Variants in VPS52 observed in about 807,000 individuals in gnomAD.
VPS52 encodes the protein vacuolar protein sorting-associated protein 52 homolog.
In VPS52, 56 loss-of-function variants were observed where a neutral mutation model predicts 98.7. The ratio of observed to expected loss-of-function variants is 0.57; its 90% CI spans 0.46 to 0.71. The LOEUF is 0.71. Among genes scored for constraint, VPS52 ranks in the 30% least tolerant of loss-of-function variants. The pLI, the probability that VPS52 is intolerant of heterozygous loss-of-function variation, is 0.00. For synonymous variants in VPS52, 348 were observed against 346.4 expected, an observed-to-expected ratio of 1.00 and a Z score of -0.05; for missense variants, 742 against 925.9, an observed-to-expected ratio of 0.80 and a Z score of 2.58.
Position 33,267,576 on chromosome 6 carries a change from G to A in VPS52, c.991+106C>T. The A allele has an allele frequency of 1.5e-6, 2 of 1,372,202 alleles. No individual in the cohort carries two copies. The highest frequency in any genetic ancestry group is 2.0e-6 in the Non-Finnish European group (2 of 989,226). The allele number at this position is 1,372,202 out of a possible 1,614,324, so 85.0% of individuals were successfully genotyped here. A position where few individuals can be genotyped will look rare whatever the true frequency, so the allele number is the denominator to read the frequency against. On this transcript the variant is annotated intron_variant, in intron 10 of 19. Coordinates refer to ENST00000445902, the MANE Select transcript of VPS52 (RefSeq NM_022553.6). This position sits in a 1 kb window ranked among gnomAD's most constrained non-coding sequence, Gnocchi z 4.2. ...CTATAGCTTTCATCACATTCTAAAAGGTTTCAGTCCCATAGGAAAAGGTAA... is the reference window on the plus strand; with the variant it reads ...CTATAGCTTTCATCACATTCTAAAAAGTTTCAGTCCCATAGGAAAAGGTAA...
intron 17 of VPS52, among the ~76,000 whole-genome samples, chr6:33,256,406 A>T (rs1762960522): frequency 7.0e-6 from 1 of 143,794 alleles, no homozygotes; most frequent in African/African-American, 2.6e-5. Flanking sequence ...TCAAGGCTGC[A>T]GTGAGCTATG....
At position 33,267,086 on chromosome 6, in the gene VPS52, A is replaced by C; in HGVS notation, c.1125+102T>G. On this transcript the variant is annotated intron_variant, in intron 11 of 19. Coordinates refer to ENST00000445902, the MANE Select transcript of VPS52 (RefSeq NM_022553.6). This position sits in a 1 kb window ranked among gnomAD's most constrained non-coding sequence, Gnocchi z 4.2. ...GCCACTCCCAAGTCTAAGGGGATTAAGACAGGGCCTGCAGGTTGGGAAGCT... is the reference window on the plus strand; with the variant it reads ...GCCACTCCCAAGTCTAAGGGGATTACGACAGGGCCTGCAGGTTGGGAAGCT... 1 of 1,414,200 alleles carries C rather than the reference A, an allele frequency of 7.1e-7. No individual in the cohort carries two copies. Among genetic ancestry groups the C allele is most frequent in the Non-Finnish European group, 9.3e-7 (1 of 1,074,902 alleles). The allele number at this position is 1,414,200 out of a possible 1,614,324, so 87.6% of individuals were successfully genotyped here. A position where few individuals can be genotyped will look rare whatever the true frequency, so the allele number is the denominator to read the frequency against.
intron 18 of VPS52, 84 bp downstream of exon 18, chr6:33,251,776 C>T (rs1250063709): frequency 1.3e-5 from 19 of 1,471,154 alleles, no homozygotes; most frequent in Non-Finnish European, 1.7e-5. Context: ...TACTCTATTC[C>T]CCCACCATGT....
intron 17 of VPS52, among the ~76,000 whole-genome samples, chr6:33,262,770 C>T (rs1182284565): frequency 6.6e-6 from 1 of 152,130 alleles, no homozygotes; most frequent in Non-Finnish European, 1.5e-5. Flanking sequence ...AAGCCAGGCA[C>T]AGAAAGACAA....
chr6:33,255,065 T>C (rs1193921356), intron 17 of VPS52: 1 of 152,246 alleles, frequency 6.6e-6, no homozygotes. Context: ...TACTTTTTAA[T>C]GTAGCTTCTA....
Position 33,250,865 on chromosome 6 carries a change from G to C in VPS52, c.2148C>G (p.Leu716=). The change falls in exon 20 of 20, where the codon CTC becomes CTG. Residue 716 remains leucine, a synonymous_variant. Coordinates refer to ENST00000445902, the MANE Select transcript of VPS52 (RefSeq NM_022553.6). ...ATCAGAAGTTGGGCTTATGCTTCTTGAGCTCCACCATAAGGTGGTGAATGT... is the reference window on the plus strand; with the variant it reads ...ATCAGAAGTTGGGCTTATGCTTCTTCAGCTCCACCATAAGGTGGTGAATGT... ...LINIHHLMVE[L]KKHKPNF 1 of 1,612,700 alleles carries C rather than the reference G, an allele frequency of 6.2e-7. No homozygotes were observed. The highest frequency in any genetic ancestry group is 8.5e-7 in the Non-Finnish European group (1 of 1,179,792).
intron 17 of VPS52, among the ~76,000 whole-genome samples, chr6:33,258,119 G>T (rs940060707): frequency 2.0e-5 from 3 of 151,520 alleles, no homozygotes; most frequent in Admixed American, 2.0e-4. Flanking sequence ...TGGACGCGGT[G>T]GCTCATGCCT....
Position 33,267,142 on chromosome 6 carries a change from C to T in VPS52, c.1125+46G>A, listed in dbSNP as rs761371905. On this transcript the variant is annotated intron_variant, in intron 11 of 19. Coordinates refer to ENST00000445902, the MANE Select transcript of VPS52 (RefSeq NM_022553.6). The surrounding 1 kb of genome is among the most constrained non-coding windows in gnomAD (Gnocchi z 4.2). ...CTGAGGTCTGGCCTTCCCTCCCCAC[C>T]GTGCTCAGAGCCTCTTTCGTGACTG... is the stretch of plus-strand genomic sequence containing the variant. 13 of 1,454,488 alleles carry T rather than the reference C, an allele frequency of 8.9e-6. No homozygotes were observed. Among genetic ancestry groups the T allele is most frequent in the South Asian group, 1.7e-5 (1 of 60,466 alleles). 90.1% of individuals were successfully genotyped at this position (1,454,488 alleles called of 1,614,324 possible). A position where few individuals can be genotyped will look rare whatever the true frequency, so the allele number is the denominator to read the frequency against.
rs1206905815 is a variant in VPS52, at chr6:33,267,169, A to G, written c.1125+19T>C. 1.0e-5 allele frequency: 15 copies of G among 1,472,142 alleles called. No individual in the cohort carries two copies. The highest frequency in any genetic ancestry group is 1.3e-5 in the Non-Finnish European group (14 of 1,109,878). 91.2% of individuals were successfully genotyped at this position (1,472,142 alleles called of 1,614,324 possible). ...TGCTCAGAGCCTCTTTCGTGACTGA[A>G]GCTTGTTCCTCCTCATACCCTCTGC... On this transcript the variant is annotated intron_variant, in intron 11 of 19. Transcript: ENST00000445902. The surrounding 1 kb of genome is among the most constrained non-coding windows in gnomAD (Gnocchi z 4.2).
intron 17 of VPS52, among the ~76,000 whole-genome samples, chr6:33,253,246 T>C (rs930835221): frequency 1.3e-5 from 2 of 152,150 alleles, no homozygotes; most frequent in Non-Finnish European, 2.9e-5. Flanking sequence ...TCCCAGCATT[T>C]TGGGAGGCTG....
rs1764485725 is a variant in VPS52, at chr6:33,267,548, A to C, written c.991+134T>G. 1 of 1,220,906 alleles carries C rather than the reference A, an allele frequency of 8.2e-7. No homozygotes were observed. Among genetic ancestry groups the C allele is most frequent in the African/African-American group, 1.5e-5 (1 of 65,856 alleles). The allele number at this position is 1,220,906 out of a possible 1,614,324, so 75.6% of individuals were successfully genotyped here. A position where few individuals can be genotyped will look rare whatever the true frequency, so the allele number is the denominator to read the frequency against. On this transcript the variant is annotated intron_variant, in intron 10 of 19. Transcript: ENST00000445902. This position sits in a 1 kb window ranked among gnomAD's most constrained non-coding sequence, Gnocchi z 4.2. ...AATGTGTGCATCTTTCTGGGGAGGG[A>C]GGCTATAGCTTTCATCACATTCTAA...
Position 33,251,578 on chromosome 6 carries a change from A to G in VPS52, c.1965T>C (p.Ser655=). 3.1e-6 allele frequency: 5 copies of G among 1,614,080 alleles called. No individual in the cohort carries two copies. The highest frequency in any genetic ancestry group is 4.2e-6 in the Non-Finnish European group (5 of 1,179,986). Residue 655 remains serine, a synonymous_variant, in exon 19 of 20, where the codon TCT becomes TCC. Transcript: ENST00000445902. ...AACTCCGCATTACATCCTGACTCAG[A>G]GATTCCACTGATGATTTCCAGGAAC... ...FGSSWKSSVE[S]LSQDVMRSFT... is the part of the protein sequence containing the mutation.
At chr6:33,251,020 G>T (rs370677770) in intron 19 of VPS52, 33 bp from the exon 20 acceptor site, 1 of 1,612,726 alleles carries the variant, frequency 6.2e-7, no homozygotes, top group South Asian at 1.1e-5. Flanking sequence ...GGATCAAACC[G>T]TAAAATGGTG....
intron 19 of VPS52, 27 bp downstream of exon 19, chr6:33,251,491 G>C (rs750849604): frequency 1.4e-6 from 2 of 1,414,586 alleles, no homozygotes; most frequent in Admixed American, 3.5e-5. Flanking sequence ...TGGGGGATCT[G>C]AGTGGGGCCT....
In VPS52 at chr6:33,268,739, T is replaced by C. The variant is rs1764640099; in HGVS notation, c.549-90A>G. ...GACCACACTCCTTACCTCCAGCCCCTGTCATCTCTACCACCTTGCATTGTA... is the reference window on the plus strand; with the variant it reads ...GACCACACTCCTTACCTCCAGCCCCCGTCATCTCTACCACCTTGCATTGTA... On this transcript the variant is annotated intron_variant, in intron 6 of 19. Coordinates refer to ENST00000445902, the MANE Select transcript of VPS52 (RefSeq NM_022553.6). This position sits in a 1 kb window ranked among gnomAD's most constrained non-coding sequence, Gnocchi z 4.0. The C allele has an allele frequency of 7.2e-7, 1 of 1,397,048 alleles. No homozygotes were observed. Among genetic ancestry groups the C allele is most frequent in the Non-Finnish European group, 9.5e-7 (1 of 1,055,100 alleles). 86.5% of individuals were successfully genotyped at this position (1,397,048 alleles called of 1,614,324 possible).
intron 11 of VPS52, among the ~76,000 whole-genome samples, 193 bp from the exon 12 acceptor site, chr6:33,266,905 A>C (rs912752046): frequency 3.3e-5 from 5 of 152,082 alleles, no homozygotes; most frequent in African/African-American, 1.2e-4. Context: ...GGGTACAAAA[A>C]GGGCCTACAC....
rs1182655968 is a variant in VPS52 at position 33,271,596 on chromosome 6, T to A, written c.80A>T (p.Glu27Val). 6.2e-7 allele frequency: 1 copy of A among 1,608,694 alleles called. No homozygotes were observed. Among genetic ancestry groups the A allele is most frequent in the Non-Finnish European group, 8.5e-7 (1 of 1,177,828 alleles). Residue 27 changes from glutamate to valine, a missense_variant, in exon 1 of 20, where the codon GAG becomes GTG. Coordinates refer to ENST00000445902, the MANE Select transcript of VPS52 (RefSeq NM_022553.6). ...RAGTSDMEEE[E>V]GPLAGGPGLQ... ...GCTCCGCGCTCTCACCAGCGGGCCC[T>A]CTTCCTCCTCCATATCTGAGGTCCC...
intron 17 of VPS52, among the ~76,000 whole-genome samples, chr6:33,259,498 T>C (rs1763387888): frequency 6.6e-6 from 1 of 152,330 alleles, no homozygotes; most frequent in Non-Finnish European, 1.5e-5. Context: ...CTCAATGTTA[T>C]TAGTAATCAG....
intron 17 of VPS52, among the ~76,000 whole-genome samples, chr6:33,255,612 C>G (rs1762843393): frequency 6.6e-6 from 1 of 151,116 alleles, no homozygotes; most frequent in Admixed American, 6.6e-5. Flanking sequence ...TGAAACCCCC[C>G]GTCTCTACTA....
Sources: allele counts gnomAD v4.1 joint callset (sites outside exome capture counted in the v4.1 genomes callset), GRCh38; gene constraint gnomAD v4.1.1; non-coding constraint Gnocchi (gnomAD v3.1); transcripts MANE v1.5; gene names NCBI Gene and HGNC (gene_info 2026-07-23, HGNC 2026-07-21).